The following CACNB4 variants were observed in gnomAD, a reference collection of about 807,000 sequenced individuals.
CACNB4 encodes voltage-dependent L-type calcium channel subunit beta-4.
Under a neutral mutation model 71.2 loss-of-function variants are expected in CACNB4, and 32 were observed. The ratio of observed to expected loss-of-function variants is 0.45; its 90% CI spans 0.34 to 0.60. CACNB4 has a LOEUF of 0.60. Among genes scored for constraint, CACNB4 ranks in the 20% least tolerant of loss-of-function variants. The probability of loss-of-function intolerance (pLI) is 0.01; values close to 1 mark genes in which losing one functional copy is unlikely to be tolerated. For missense variants in CACNB4, 464 were observed against 647.9 expected (o/e 0.72, Z 3.08); for synonymous variants, 231 against 236.9 (o/e 0.97, Z 0.23).
At chr2:151,858,692 C>G (rs961857310) in intron 10 of CACNB4, 3 of 152,328 alleles carry the variant, frequency 2.0e-5, no homozygotes, top group Admixed American at 6.5e-5. Flanking sequence ...TGGCCTCAAT[C>G]TTTTTCAATC....
chr2:151,839,103 TTTTG>T lies in CACNB4; in HGVS notation c.*12_*15del, dbSNP rs1239970008. The stretch of plus-strand genomic sequence containing the variant: ...GGCAAATTGTCAACAGATGAATATT[TTTTG>T]TTTCATTAGACTCAAAGCCTATGTC... On this transcript the variant is annotated 3_prime_UTR_variant, in exon 14 of 14. Transcript: ENST00000539935. 9 of 1,599,338 alleles carry T rather than the reference TTTTG, an allele frequency of 5.6e-6. No homozygotes were observed. The Middle Eastern group carries it at 5.1e-4, about 90-fold the overall frequency.
chr2:151,895,096 CCA>C (rs58504924), intron 2 of CACNB4, among the ~76,000 whole-genome samples: 1,414 of 22,290 alleles, frequency 0.063, 50 homozygotes, highest in South Asian at 0.097. Context: ...TCAAATAGCC[CCA>C]CACACACACA....
intron 2 of CACNB4, among the ~76,000 whole-genome samples, chr2:152,070,863 G>A (rs1686647799): frequency 6.6e-6 from 1 of 152,218 alleles, no homozygotes. Flanking sequence ...TGCCTCCCGA[G>A]TTCAAGCGAG....
intron 2 of CACNB4, among the ~76,000 whole-genome samples, chr2:152,003,832 TA>T (rs113971846): frequency 0.047 from 6,754 of 144,462 alleles, 223 homozygotes; most frequent in Non-Finnish European, 0.061. Flanking sequence ...GAGAAATTAA[TA>T]AAAAAAAAAA....
chr2:151,862,615 TTC>T (rs1348623944), intron 9 of CACNB4, among the ~76,000 whole-genome samples: 1 of 152,200 alleles, frequency 6.6e-6, no homozygotes, highest in Non-Finnish European at 1.5e-5. Context: ...ATGTCTGCAT[TTC>T]TGTTTTCTGC....
chr2:151,858,519 T>C (rs966001133), intron 10 of CACNB4: 4 of 152,212 alleles, frequency 2.6e-5, no homozygotes, highest in African/African-American at 9.7e-5. Flanking sequence ...AGGCTCTAAG[T>C]CTTGCAGAGA....
chr2:152,084,973 AAGG>A (rs1687573512), intron 2 of CACNB4, among the ~76,000 whole-genome samples: 2 of 152,188 alleles, frequency 1.3e-5, no homozygotes, highest in African/African-American at 4.8e-5. Context: ...AGATTATACA[AAGG>A]AGAATTTAAT....
intron 2 of CACNB4, among the ~76,000 whole-genome samples, chr2:151,975,853 T>C (rs892640227): frequency 1.3e-5 from 2 of 152,238 alleles, no homozygotes; most frequent in African/African-American, 2.4e-5. Context: ...ATTGCAAGTA[T>C]AGATATTCCC....
At chr2:152,034,039 G>C (rs1444840332) in intron 2 of CACNB4, among the ~76,000 whole-genome samples, 1 of 152,072 alleles carries the variant, frequency 6.6e-6, no homozygotes, top group African/African-American at 2.4e-5. Context: ...AAGTTCAACA[G>C]TTCCTTACAC....
intron 2 of CACNB4, among the ~76,000 whole-genome samples, chr2:151,900,504 G>C (rs1199538860): frequency 6.6e-6 from 1 of 152,214 alleles, no homozygotes; most frequent in Admixed American, 6.5e-5. Context: ...CTTGCCTTAT[G>C]AGTCGGGGAA....
At position 151,877,131 on chromosome 2, in the gene CACNB4, T is replaced by G. The variant is rs1484756693; in HGVS notation, c.391-575A>C. On this transcript the variant is annotated intron_variant, in intron 4 of 13. Coordinates refer to ENST00000539935, the MANE Select transcript of CACNB4 (RefSeq NM_000726.5). Reference sequence around the variant, plus strand: ...TACATATATATCTATATATACATACTATATATATATATATCTGAGGTAGAT... The same window carrying G: ...TACATATATATCTATATATACATACGATATATATATATATCTGAGGTAGAT... Among the ~76,000 whole-genome samples, 4 of 146,476 alleles carry G rather than the reference T, an allele frequency of 2.7e-5. No individual in the cohort carries two copies. The East Asian group carries it at 7.8e-4, about 29-fold the overall frequency.
intron 2 of CACNB4, among the ~76,000 whole-genome samples, chr2:151,932,516 C>T (rs2151606479): frequency 6.6e-6 from 1 of 152,242 alleles, no homozygotes; most frequent in Non-Finnish European, 1.5e-5. Flanking sequence ...AAGTCCTAAC[C>T]TCCAGTATCT....
At chr2:151,968,897 A>G (rs1408336063) in intron 2 of CACNB4, 1 of 152,260 alleles carries the variant, frequency 6.6e-6, no homozygotes, top group African/African-American at 2.4e-5. Flanking sequence ...ACAAGAAAGC[A>G]GCAAGATTGA....
At chr2:152,016,897 A>G (rs1683376292) in intron 2 of CACNB4, among the ~76,000 whole-genome samples, 1 of 152,272 alleles carries the variant, frequency 6.6e-6, no homozygotes, top group Admixed American at 6.5e-5. Context: ...CCTATGAATC[A>G]GGCTTTATTA....
intron 2 of CACNB4, among the ~76,000 whole-genome samples, chr2:152,069,573 T>G (rs1686552387): frequency 6.6e-6 from 1 of 151,098 alleles, no homozygotes; most frequent in Admixed American, 6.6e-5. Flanking sequence ...GGGTCTTTTA[T>G]AGCTCAGCCT....
Position 152,098,530 on chromosome 2 carries a change from C to A in CACNB4, c.64-117G>T. 2 of 1,358,840 alleles carry A rather than the reference C, an allele frequency of 1.5e-6. No homozygotes were observed. Among genetic ancestry groups the A allele is most frequent in the South Asian group, 1.2e-5 (1 of 84,360 alleles). The allele number at this position is 1,358,840 out of a possible 1,614,324, so 84.2% of individuals were successfully genotyped here. ...CCGCTCCCTGGGGTCCCCTAGAGCC[C>A]GCACCCAAGTCTCCTCCGCGACTCC... On this transcript the variant is annotated intron_variant, in intron 1 of 13. Transcript: ENST00000539935. This position sits in a 1 kb window ranked among gnomAD's most constrained non-coding sequence, Gnocchi z 5.3.
intron 2 of CACNB4, among the ~76,000 whole-genome samples, chr2:152,027,184 T>C (rs2105162894): frequency 6.6e-6 from 1 of 152,362 alleles, no homozygotes; most frequent in East Asian, 1.9e-4. Flanking sequence ...ATTACAGGCG[T>C]GAGCCAGGGC....
At chr2:152,094,069 C>T (rs1688131133) in intron 2 of CACNB4, among the ~76,000 whole-genome samples, 1 of 152,228 alleles carries the variant, frequency 6.6e-6, no homozygotes, top group South Asian at 2.1e-4. Flanking sequence ...CCTTGTGGAA[C>T]TCATACGGAT....
chr2:152,098,226 C>T lies in CACNB4; in HGVS notation c.147+104G>A. 2 of 873,310 alleles carry T rather than the reference C, an allele frequency of 2.3e-6. No homozygotes were observed. The highest frequency in any genetic ancestry group is 3.7e-6 in the Non-Finnish European group (2 of 534,218). The allele number at this position is 873,310 out of a possible 1,614,324, so 54.1% of individuals were successfully genotyped here. On this transcript the variant is annotated intron_variant, in intron 2 of 13. Transcript: ENST00000539935. The surrounding 1 kb of genome is among the most constrained non-coding windows in gnomAD (Gnocchi z 5.3). Reference sequence around the variant, plus strand: ...GAGGCCGGGAAGAGACGCGCGCGGGCTTGACCCGCAGCTCCCGCACGTGTG... The same window carrying T: ...GAGGCCGGGAAGAGACGCGCGCGGGTTTGACCCGCAGCTCCCGCACGTGTG...
Sources: allele counts gnomAD v4.1 joint callset (sites outside exome capture counted in the v4.1 genomes callset), GRCh38; gene constraint gnomAD v4.1.1; non-coding constraint Gnocchi (gnomAD v3.1); transcripts MANE v1.5; gene names NCBI Gene and HGNC (gene_info 2026-07-23, HGNC 2026-07-21).